Variants in UBE2E2 observed in about 807,000 individuals in gnomAD.
The protein encoded by UBE2E2 is ubiquitin conjugating enzyme E2 E2, also known as ubiquitin-conjugating enzyme E2 E2.
Under a neutral mutation model 24.7 loss-of-function variants are expected in UBE2E2, and 6 were observed. The observed-to-expected ratio is 0.24, with a 90% CI of 0.13 to 0.48. The LOEUF is 0.48. Among genes scored for constraint, UBE2E2 ranks in the 20% least tolerant of loss-of-function variants. UBE2E2 has a pLI of 0.99. For synonymous variants in UBE2E2, 104 were observed against 83.6 expected (o/e 1.24, Z -1.33); for missense variants, 169 against 245.0 (o/e 0.69, Z 2.07).
At chr3:23,443,279 C>T (rs1413721806) in intron 3 of UBE2E2, among the ~76,000 whole-genome samples, 1 of 152,146 alleles carries the variant, frequency 6.6e-6, no homozygotes, top group Admixed American at 6.5e-5. Flanking sequence ...TCAGCTTCCC[C>T]ACTAAGAAGA....
intron 3 of UBE2E2, among the ~76,000 whole-genome samples, chr3:23,237,738 A>T (rs892376516): frequency 1.6e-4 from 24 of 152,144 alleles, no homozygotes; most frequent in African/African-American, 5.8e-4. Flanking sequence ...CGAATTGTAG[A>T]GGTCTTACGT....
At chr3:23,544,831 T>C (rs1695480219) in intron 5 of UBE2E2, among the ~76,000 whole-genome samples, 1 of 152,196 alleles carries the variant, frequency 6.6e-6, no homozygotes, top group Non-Finnish European at 1.5e-5. Flanking sequence ...GTTCCCTTAG[T>C]ATTTATTGAT....
rs1263496120 is a variant in UBE2E2 at position 23,258,766 on chromosome 3, G to A, written c.227+41454G>A. On this transcript the variant is annotated intron_variant, in intron 3 of 5. Coordinates refer to ENST00000396703, the MANE Select transcript of UBE2E2 (RefSeq NM_152653.4). ...AAATTAGCCGGGCGTGGTGGCGGGC[G>A]CCTGTAGTCCCAGCTACTCGGGAGG... Among the ~76,000 whole-genome samples, 24 of 151,820 alleles carry A rather than the reference G, an allele frequency of 1.6e-4. No individual in the cohort carries two copies. In the East Asian group the frequency reaches 2.5e-3, roughly 16 times the overall value.
In UBE2E2 at chr3:23,307,467, C is replaced by T. The variant is rs1447458635; in HGVS notation, c.227+90155C>T. Among the ~76,000 whole-genome samples, 5 of 152,004 alleles carry T rather than the reference C, an allele frequency of 3.3e-5. No homozygotes were observed. In the East Asian group the frequency reaches 5.8e-4, roughly 18 times the overall value. On this transcript the variant is annotated intron_variant, in intron 3 of 5. Coordinates refer to ENST00000396703, the MANE Select transcript of UBE2E2 (RefSeq NM_152653.4). ...TACCTCCATAATGATGTATTTATGA[C>T]GTTTTACAAATTTTGCTCTATCATT...
intron 3 of UBE2E2, among the ~76,000 whole-genome samples, chr3:23,479,142 T>G (rs1699199970): frequency 6.6e-6 from 1 of 152,204 alleles, no homozygotes; most frequent in Non-Finnish European, 1.5e-5. Flanking sequence ...TCCACCCACT[T>G]GGCCTGGAAT....
chr3:23,280,156 G>A lies in UBE2E2; in HGVS notation c.227+62844G>A, dbSNP rs6804123. ...AGCTTTTATAGAGAAGAAACACTGT[G>A]GGTTAGGATGGGAGTTGTAGCAAAG... On this transcript the variant is annotated intron_variant, in intron 3 of 5. Coordinates refer to ENST00000396703, the MANE Select transcript of UBE2E2 (RefSeq NM_152653.4). The surrounding 1 kb of genome is among the most constrained non-coding windows in gnomAD (Gnocchi z 4.3). 0.38 allele frequency among the ~76,000 whole-genome samples: 58,174 copies of A among 152,018 alleles called. 11,583 individuals carry two copies. Among genetic ancestry groups the A allele is most frequent in the Admixed American group, 0.52 (7,887 of 15,288 alleles).
intron 3 of UBE2E2, among the ~76,000 whole-genome samples, chr3:23,462,951 A>G (rs556888995): frequency 1.3e-5 from 2 of 152,278 alleles, no homozygotes; most frequent in East Asian, 3.9e-4. Context: ...GGAATGTAAA[A>G]TGCATTAAAC....
At chr3:23,313,969 A>C (rs1290351188) in intron 3 of UBE2E2, among the ~76,000 whole-genome samples, 1 of 152,094 alleles carries the variant, frequency 6.6e-6, no homozygotes, top group African/African-American at 2.4e-5. Context: ...TAAATAATAT[A>C]ACCATTATTT....
rs79617527 is a variant in UBE2E2 at position 23,243,251 on chromosome 3, C to T, written c.227+25939C>T. 2.3e-3 allele frequency among the ~76,000 whole-genome samples: 356 copies of T among 152,236 alleles called. 3 individuals are homozygous for T. Among genetic ancestry groups the T allele is most frequent in the African/African-American group, 8.2e-3 (339 of 41,540 alleles). On this transcript the variant is annotated intron_variant, in intron 3 of 5. Transcript: ENST00000396703. ...CACTATTCACCTGCTGCACTAGAGC[C>T]AGCAATATGGACAAACAATACTACT...
chr3:23,322,331 T>C (rs1279660411), intron 3 of UBE2E2, among the ~76,000 whole-genome samples: 2 of 152,316 alleles, frequency 1.3e-5, no homozygotes, highest in East Asian at 1.9e-4. Context: ...TAAAAAACTT[T>C]AAATACATTT....
intron 3 of UBE2E2, among the ~76,000 whole-genome samples, chr3:23,301,555 C>G (rs764049594): frequency 2.0e-5 from 3 of 152,140 alleles, no homozygotes; most frequent in Non-Finnish European, 4.4e-5. Context: ...CACTCCAGAC[C>G]CTGTTTGCCT....
chr3:23,471,823 T>G (rs1225354279), intron 3 of UBE2E2, among the ~76,000 whole-genome samples: 1 of 152,016 alleles, frequency 6.6e-6, no homozygotes, highest in Non-Finnish European at 1.5e-5. Flanking sequence ...TCCCACAAAG[T>G]GGGAGACCAC....
intron 3 of UBE2E2, among the ~76,000 whole-genome samples, chr3:23,295,874 G>T (rs1393422907): frequency 6.6e-6 from 1 of 152,136 alleles, no homozygotes; most frequent in East Asian, 1.9e-4. Context: ...AAAGGTTGAT[G>T]GAGGGATTGG....
At chr3:23,354,046 T>C (rs1415124014) in intron 3 of UBE2E2, among the ~76,000 whole-genome samples, 2 of 152,094 alleles carry the variant, frequency 1.3e-5, no homozygotes, top group African/African-American at 4.8e-5. Context: ...GAGATATAGA[T>C]CAGCGGAACA....
intron 3 of UBE2E2, among the ~76,000 whole-genome samples, chr3:23,457,746 A>G (rs918347706): frequency 6.6e-6 from 1 of 152,166 alleles, no homozygotes; most frequent in Non-Finnish European, 1.5e-5. Context: ...AAACTCCCAC[A>G]TTCCACTTTT....
chr3:23,218,341 C>G (rs532224167), intron 3 of UBE2E2, among the ~76,000 whole-genome samples: 54 of 152,142 alleles, frequency 3.5e-4, no homozygotes, highest in African/African-American at 1.3e-3. Flanking sequence ...TCAAATAGAA[C>G]AAATATTTCT....
rs531070485 is a variant in UBE2E2 at position 23,474,863 on chromosome 3, G to T, written c.228-24745G>T. On this transcript the variant is annotated intron_variant, in intron 3 of 5. Coordinates refer to ENST00000396703, the MANE Select transcript of UBE2E2 (RefSeq NM_152653.4). This position sits in a 1 kb window ranked among gnomAD's most constrained non-coding sequence, Gnocchi z 4.0. ...TATCCCCCATTCACATTCCTCTCTA[G>T]CTTTTCACATCCAGACTTCTAGAAA... 9.9e-5 allele frequency among the ~76,000 whole-genome samples: 15 copies of T among 151,954 alleles called. No homozygotes were observed. Among genetic ancestry groups the T allele is most frequent in the Middle Eastern group, 6.8e-3 (2 of 294 alleles).
chr3:23,501,229 G>T (rs144880495), intron 4 of UBE2E2, among the ~76,000 whole-genome samples: 1,541 of 152,328 alleles, frequency 0.01, 14 homozygotes, highest in Middle Eastern at 0.02. Context: ...GATGTGATCT[G>T]TTCCTTGAGA....
intron 4 of UBE2E2, among the ~76,000 whole-genome samples, chr3:23,520,978 A>G (rs1404465160): frequency 1.3e-5 from 2 of 152,118 alleles, no homozygotes; most frequent in African/African-American, 4.8e-5. Flanking sequence ...AATATAGTTT[A>G]CTTCTACACT....
Sources: allele counts gnomAD v4.1 joint callset (sites outside exome capture counted in the v4.1 genomes callset), GRCh38; gene constraint gnomAD v4.1.1; non-coding constraint Gnocchi (gnomAD v3.1); transcripts MANE v1.5; gene names NCBI Gene and HGNC (gene_info 2026-07-23, HGNC 2026-07-21).